The following FYCO1 variants were observed in gnomAD, a reference collection of about 807,000 sequenced individuals.
FYCO1 encodes the protein FYVE and coiled-coil domain-containing protein 1.
A neutral mutation model predicts 165.1 loss-of-function variants in FYCO1; 122 were observed. The ratio of observed to expected loss-of-function variants is 0.74; its 90% CI spans 0.64 to 0.86. The LOEUF (loss-of-function observed/expected upper bound fraction) is 0.86. FYCO1 is among the 40% of genes least tolerant of loss of function. The probability of loss-of-function intolerance (pLI) is 0.00; values close to 1 mark genes in which losing one functional copy is unlikely to be tolerated. For synonymous variants in FYCO1, 648 were observed against 742.5 expected (o/e 0.87, Z 2.07); for missense variants, 1,702 against 1,810.3 (o/e 0.94, Z 1.09).
chr3:45,969,404 C>T (rs899772688), intron 7 of FYCO1, among the ~76,000 whole-genome samples: 2 of 152,216 alleles, frequency 1.3e-5, no homozygotes, highest in Non-Finnish European at 2.9e-5. Context: ...AGGTGAGAAT[C>T]AGGATTTGAC....
Position 45,969,745 on chromosome 3 carries a change from G to A in FYCO1, c.560C>T (p.Ser187Phe). ...AGGGGGTTTCCACAGGTAAGCAGAA[G>A]AGCCAGTGGTCAGCGTCCTCCTGTG... ...TFARRTLTTG[S>F]SAYLWKPPSR... Residue 187 changes from serine to phenylalanine, a missense_variant, in exon 7 of 18, where the codon TCT becomes TTT. Ser to Phe is a radical substitution (Grantham distance 155, BLOSUM62 -2). Transcript: ENST00000296137. 6.2e-7 allele frequency: 1 copy of A among 1,613,958 alleles called. No individual in the cohort carries two copies. Among genetic ancestry groups the A allele is most frequent in the Non-Finnish European group, 8.5e-7 (1 of 1,179,998 alleles).
At chr3:45,968,885 C>G in intron 7 of FYCO1, among the ~76,000 whole-genome samples, 182 bp from the exon 8 acceptor site, 1 of 152,218 alleles carries the variant, frequency 6.6e-6, no homozygotes, top group East Asian at 1.9e-4. Flanking sequence ...ACAGATTCAG[C>G]AGCACATTCC....
chr3:45,977,293 T>A (rs537302709), intron 4 of FYCO1, among the ~76,000 whole-genome samples: 61 of 147,626 alleles, frequency 4.1e-4, no homozygotes, highest in Admixed American at 8.0e-4. Context: ...ACATCAAAAC[T>A]TTTTTAATGG....
In FYCO1 at chr3:45,925,233, A is replaced by ATTT. The variant is rs373178527; in HGVS notation, c.4252-1471_4252-1469dup. Among the ~76,000 whole-genome samples the ATTT allele has an allele frequency of 7.3e-4, 105 of 144,470 alleles. 1 individual carries two copies. The highest frequency in any genetic ancestry group is 7.3e-3 in the Middle Eastern group (2 of 274). The allele number at this position is 144,470 out of a possible 152,430, so 94.8% of individuals were successfully genotyped here. A position where few individuals can be genotyped will look rare whatever the true frequency, so the allele number is the denominator to read the frequency against. Reference sequence around the variant, plus strand: ...GTGAGCCACGGCGCCCAGCCCTTACATTTTTTTTTTTTTTTAAGAAGTGAC... The same window carrying ATTT: ...GTGAGCCACGGCGCCCAGCCCTTACATTTTTTTTTTTTTTTTTTAAGAAGTGAC... On this transcript the variant is annotated intron_variant, in intron 16 of 17. Transcript: ENST00000296137.
chr3:45,957,119 TA>T (rs796792047), intron 13 of FYCO1, among the ~76,000 whole-genome samples: 6 of 151,356 alleles, frequency 4.0e-5, no homozygotes, highest in Admixed American at 1.3e-4. Context: ...CATGGCAGCA[TA>T]AAAAAAAATA....
rs1369552737 is a variant in FYCO1, at chr3:45,919,022, G to A, written c.*2743C>T. On this transcript the variant is annotated 3_prime_UTR_variant, in exon 18 of 18. Transcript: ENST00000296137. ...AGAAGGCATCTGGTATCGATATGAA[G>A]ACGTAACTGTTATTCAGAGAGATGA... 2 of 150,714 alleles carry A rather than the reference G, an allele frequency of 1.3e-5. No individual in the cohort carries two copies. The highest frequency in any genetic ancestry group is 2.5e-5 in the African/African-American group (1 of 40,678). The allele number at this position is 150,714 out of a possible 1,614,324, so 9.3% of individuals were successfully genotyped here. A position where few individuals can be genotyped will look rare whatever the true frequency, so the allele number is the denominator to read the frequency against.
chr3:45,989,136 C>T (rs1474162082), intron 1 of FYCO1, among the ~76,000 whole-genome samples: 2 of 152,264 alleles, frequency 1.3e-5, no homozygotes, highest in Admixed American at 1.3e-4. Context: ...CAAAATTTTG[C>T]TCCCAACACA....
At chr3:45,995,491 C>T (rs549389476) in intron 1 of FYCO1, among the ~76,000 whole-genome samples, 111 of 152,366 alleles carry the variant, frequency 7.3e-4, no homozygotes, top group African/African-American at 2.6e-3. Flanking sequence ...TCTTTCTAAC[C>T]GACCAACAGA....
intron 14 of FYCO1, chr3:45,946,578 T>C: frequency 6.2e-7 from 1 of 1,614,234 alleles, no homozygotes; most frequent in Non-Finnish European, 8.5e-7. Context: ...CAGCAAGGTC[T>C]TTCTGCCCTG....
Position 45,962,500 on chromosome 3 carries a change from G to T in FYCO1, c.3270-108C>A. The T allele has an allele frequency of 1.0e-6, 1 of 1,002,674 alleles. No individual in the cohort carries two copies. The highest frequency in any genetic ancestry group is 1.6e-6 in the Non-Finnish European group (1 of 627,024). The allele number at this position is 1,002,674 out of a possible 1,614,324, so 62.1% of individuals were successfully genotyped here. ...AGGGGTGCTACTGCCCTCCGCCATG[G>T]GGGAGCCCCTTGGTATCTGCTCACA... On this transcript the variant is annotated intron_variant, in intron 10 of 17. Coordinates refer to ENST00000296137, the MANE Select transcript of FYCO1 (RefSeq NM_024513.4). The surrounding 1 kb of genome is among the most constrained non-coding windows in gnomAD (Gnocchi z 4.4).
chr3:45,946,389 T>C, intron 14 of FYCO1: 1 of 1,138,096 alleles, frequency 8.8e-7, no homozygotes, highest in Non-Finnish European at 1.3e-6. Flanking sequence ...CTAAATGTGG[T>C]CAATGGGATA....
At chr3:45,954,826 G>A (rs1251174998) in intron 14 of FYCO1, among the ~76,000 whole-genome samples, 2 of 152,178 alleles carry the variant, frequency 1.3e-5, no homozygotes, top group Non-Finnish European at 2.9e-5. Context: ...GGCAGCAAGG[G>A]GGCAGATATC....
At chr3:45,955,223 A>G in intron 14 of FYCO1, 26 bp downstream of exon 14, 1 of 1,612,954 alleles carries the variant, frequency 6.2e-7, no homozygotes, top group Non-Finnish European at 8.5e-7. Context: ...ATGAGCACTC[A>G]GGAAATGGGG....
intron 12 of FYCO1, 93 bp from the exon 13 acceptor site, chr3:45,958,712 ACT>A (rs1705510295): frequency 8.1e-7 from 1 of 1,230,228 alleles, no homozygotes; most frequent in Non-Finnish European, 1.2e-6. Flanking sequence ...ATGCCATGTG[ACT>A]CTCATCAGAC....
At chr3:45,981,922 C>G (rs1379025368) in intron 2 of FYCO1, among the ~76,000 whole-genome samples, 1 of 152,298 alleles carries the variant, frequency 6.6e-6, no homozygotes, top group East Asian at 1.9e-4. Context: ...CTTGTCTGTC[C>G]ACCACCCAGG....
At chr3:45,927,207 T>C (rs1392547848) in intron 16 of FYCO1, among the ~76,000 whole-genome samples, 2 of 152,222 alleles carry the variant, frequency 1.3e-5, no homozygotes, top group South Asian at 2.1e-4. Context: ...GTGTATCTTA[T>C]GTGTGGCCCA....
At position 45,968,270 on chromosome 3, in the gene FYCO1, C is replaced by A; in HGVS notation, c.1064G>T (p.Arg355Leu). The A allele has an allele frequency of 1.2e-6, 2 of 1,614,024 alleles. No homozygotes were observed. The highest frequency in any genetic ancestry group is 1.7e-6 in the Non-Finnish European group (2 of 1,180,026). ...CTGGTTTTTCTTGTCCAGTGAGTCC[C>A]GTGTGGCCTCAAGCTCCTGTGCCAA... ...QPLAQELEAT[R>L]DSLDKKNQHL... Residue 355 changes from arginine to leucine, a missense_variant, in exon 8 of 18, where the codon CGG becomes CTG. Physicochemically the swap from Arg to Leu is moderately radical, Grantham distance 102. Coordinates refer to ENST00000296137, the MANE Select transcript of FYCO1 (RefSeq NM_024513.4).
intron 14 of FYCO1, among the ~76,000 whole-genome samples, chr3:45,937,840 G>C (rs999151675): frequency 5.9e-5 from 9 of 152,144 alleles, no homozygotes; most frequent in Non-Finnish European, 1.2e-4. Context: ...TCCAGCCGCT[G>C]GTTTCCAGGC....
rs372343134 is a variant in FYCO1 at position 45,921,716 on chromosome 3, G to T, written c.*49C>A. On this transcript the variant is annotated 3_prime_UTR_variant, in exon 18 of 18. Coordinates refer to ENST00000296137, the MANE Select transcript of FYCO1 (RefSeq NM_024513.4). ...AAAAATGCTTTATGTGACAGGTGAG[G>T]AAGAGCAGTGTTTCCTGTGGATGAA... The T allele has an allele frequency of 1.8e-5, 22 of 1,201,906 alleles. No individual in the cohort carries two copies. The highest frequency in any genetic ancestry group is 1.9e-4 in the Middle Eastern group (1 of 5,312). The allele number at this position is 1,201,906 out of a possible 1,614,324, so 74.5% of individuals were successfully genotyped here. A position where few individuals can be genotyped will look rare whatever the true frequency, so the allele number is the denominator to read the frequency against.
Sources: gnomAD v4.1 joint callset for allele counts (sites outside exome capture counted in the v4.1 genomes callset) on GRCh38, gnomAD v4.1.1 for gene constraint, Gnocchi (gnomAD v3.1) non-coding constraint, MANE v1.5 for transcripts, NCBI Gene and HGNC (gene_info 2026-07-23, HGNC 2026-07-21) for gene names.